Variants in RALYL observed in about 807,000 individuals in gnomAD.
RALYL encodes RNA-binding Raly-like protein.
RALYL carries 29 observed loss-of-function variants against 35.1 expected under a neutral mutation model. The ratio of observed to expected loss-of-function variants is 0.83; its 90% CI spans 0.61 to 1.13. RALYL has a LOEUF of 1.13. Among genes scored for constraint, RALYL ranks in the 50% most tolerant of loss-of-function variants. RALYL has a pLI of 0.00. For synonymous variants in RALYL, 120 were observed against 127.6 expected (o/e 0.94, Z 0.40); for missense variants, 359 against 360.4 (o/e 1.00, Z 0.03).
At chr8:84,804,906 A>G in intron 4 of RALYL, 104 bp downstream of exon 4, 1 of 583,170 alleles carries the variant, frequency 1.7e-6, no homozygotes, top group Non-Finnish European at 2.4e-6. Context: ...TCAAAATCAT[A>G]ACATATCAGT....
intron 1 of RALYL, among the ~76,000 whole-genome samples, chr8:84,377,236 G>A (rs1459973445): frequency 6.6e-6 from 1 of 151,682 alleles, no homozygotes; most frequent in Non-Finnish European, 1.5e-5. Context: ...TACCCCAAGT[G>A]AGTCTTGTGA....
At chr8:84,886,021 A>C (rs1030048481) in intron 7 of RALYL, among the ~76,000 whole-genome samples, 2 of 152,146 alleles carry the variant, frequency 1.3e-5, no homozygotes, top group Non-Finnish European at 2.9e-5. Flanking sequence ...GCCAAAACTT[A>C]GACTCAAACT....
At chr8:84,328,927 A>G (rs934136566) in intron 1 of RALYL, among the ~76,000 whole-genome samples, 4 of 152,174 alleles carry the variant, frequency 2.6e-5, no homozygotes, top group African/African-American at 9.6e-5. Flanking sequence ...GTTGCTGCAA[A>G]GGACGTGATT....
At chr8:84,867,557 C>T (rs903512150) in intron 6 of RALYL, among the ~76,000 whole-genome samples, 1 of 152,122 alleles carries the variant, frequency 6.6e-6, no homozygotes, top group Non-Finnish European at 1.5e-5. Context: ...AACAAGGGGA[C>T]AAATTCTGGC....
intron 3 of RALYL, among the ~76,000 whole-genome samples, chr8:84,781,812 G>T (rs1818233159): frequency 6.6e-6 from 1 of 152,144 alleles, no homozygotes; most frequent in Non-Finnish European, 1.5e-5. Flanking sequence ...TTAGCCATGT[G>T]ATTCATGGTA....
intron 4 of RALYL, among the ~76,000 whole-genome samples, chr8:84,842,328 T>C (rs1044695934): frequency 6.6e-6 from 1 of 152,200 alleles, no homozygotes; most frequent in Non-Finnish European, 1.5e-5. Flanking sequence ...CATCAGGGAA[T>C]ACTATAAACA....
At chr8:84,585,275 G>A (rs928605585) in intron 2 of RALYL, among the ~76,000 whole-genome samples, 1 of 152,038 alleles carries the variant, frequency 6.6e-6, no homozygotes, top group African/African-American at 2.4e-5. Context: ...TGTCTGATCT[G>A]CCTGTCTAGT....
At chr8:84,864,972 C>T (rs879604671) in intron 6 of RALYL, 13 of 206,938 alleles carry the variant, frequency 6.3e-5, no homozygotes, top group Non-Finnish European at 1.2e-4. Context: ...AAATTTAGAG[C>T]TCAAGTCACA....
In RALYL at chr8:84,529,508, A is replaced by G. The variant is rs1233419672; in HGVS notation, c.187A>G (p.Met63Val). 1.2e-6 allele frequency: 2 copies of G among 1,613,508 alleles called. No homozygotes were observed. Among genetic ancestry groups the G allele is most frequent in the Non-Finnish European group, 1.7e-6 (2 of 1,179,514 alleles). ...VHKGYAFVQYMSERHARAAVA... is the reference protein window; with the variant it reads ...VHKGYAFVQYVSERHARAAVA... ...CAAAGGTTATGCATTTGTACAGTACATGAGTGAGCGACATGCAAGAGCTGC... is the reference window on the plus strand; with the variant it reads ...CAAAGGTTATGCATTTGTACAGTACGTGAGTGAGCGACATGCAAGAGCTGC... The change falls in exon 2 of 9, where the codon ATG (methionine) becomes GTG (valine). Residue 63 changes from methionine (M) to valine (V), a missense_variant. Transcript: ENST00000521268.
intron 1 of RALYL, among the ~76,000 whole-genome samples, chr8:84,352,736 G>A (rs759264708): frequency 4.7e-5 from 7 of 150,172 alleles, no homozygotes; most frequent in Non-Finnish European, 8.9e-5. Flanking sequence ...AATCCTGTGG[G>A]TTAGCTATTG....
At chr8:84,437,012 C>A (rs951991241) in intron 1 of RALYL, among the ~76,000 whole-genome samples, 1 of 152,140 alleles carries the variant, frequency 6.6e-6, no homozygotes, top group Middle Eastern at 3.4e-3. Context: ...TTTTTCAACC[C>A]TTGCTCCCTC....
chr8:84,601,283 T>A (rs1299177130), intron 2 of RALYL, among the ~76,000 whole-genome samples: 1 of 152,082 alleles, frequency 6.6e-6, no homozygotes, highest in South Asian at 2.1e-4. Flanking sequence ...GCCCCAGATA[T>A]GAGAGGTCAT....
At chr8:84,566,619 G>A (rs184676182) in intron 2 of RALYL, among the ~76,000 whole-genome samples, 4 of 151,584 alleles carry the variant, frequency 2.6e-5, no homozygotes, top group South Asian at 2.1e-4. Flanking sequence ...ACTCATAACC[G>A]TGATTTTTTT....
chr8:84,747,310 AT>A (rs1344370956), intron 2 of RALYL, among the ~76,000 whole-genome samples: 1 of 151,884 alleles, frequency 6.6e-6, no homozygotes, highest in Non-Finnish European at 1.5e-5. Flanking sequence ...GAATAAAAAT[AT>A]TTTTATTGGA....
At chr8:84,556,563 C>G (rs2061135745) in intron 2 of RALYL, among the ~76,000 whole-genome samples, 1 of 152,118 alleles carries the variant, frequency 6.6e-6, no homozygotes, top group South Asian at 2.1e-4. Flanking sequence ...TAACACATTA[C>G]TCTGGTAATT....
chr8:84,442,036 T>C (rs1346082071), intron 1 of RALYL, among the ~76,000 whole-genome samples: 1 of 152,086 alleles, frequency 6.6e-6, no homozygotes, highest in Non-Finnish European at 1.5e-5. Flanking sequence ...AAATGCTATT[T>C]AAACAAAAGG....
chr8:84,529,298 G>C lies in RALYL; in HGVS notation c.-23-1G>C. On this transcript the variant is annotated splice_acceptor_variant, in intron 1 of 8. Coordinates refer to ENST00000521268, the MANE Select transcript of RALYL (RefSeq NM_173848.7). LOFTEE classifies it low-confidence loss of function (5UTR_SPLICE). ...TTTGTTTGTTTGTTTGTTTGTTTAA[G>C]GATTAAAGCAAGGAGAGCCAATCAT... The C allele has an allele frequency of 6.4e-7, 1 of 1,554,858 alleles. No individual in the cohort carries two copies. Among genetic ancestry groups the C allele is most frequent in the South Asian group, 1.2e-5 (1 of 84,676 alleles).
intron 1 of RALYL, among the ~76,000 whole-genome samples, chr8:84,222,072 A>G (rs964788272): frequency 6.6e-6 from 1 of 152,142 alleles, no homozygotes; most frequent in African/African-American, 2.4e-5. Flanking sequence ...TTGCTTAATC[A>G]CCTATATCAT....
intron 1 of RALYL, among the ~76,000 whole-genome samples, chr8:84,522,311 G>A (rs997473944): frequency 1.2e-3 from 183 of 149,160 alleles, no homozygotes; most frequent in Admixed American, 6.0e-4. Context: ...GTGCAGTGGC[G>A]GGATCTCGGC....
Sources: gnomAD v4.1 joint callset for allele counts (sites outside exome capture counted in the v4.1 genomes callset) on GRCh38, gnomAD v4.1.1 for gene constraint, MANE v1.5 for transcripts, NCBI Gene and HGNC (gene_info 2026-07-23, HGNC 2026-07-21) for gene names.